Variants in CD46 observed in about 807,000 individuals in gnomAD.
CD46 encodes CD46 molecule, also known as membrane cofactor protein.
CD46 carries 30 observed loss-of-function variants against 53.3 expected under a neutral mutation model. The ratio of observed to expected loss-of-function variants is 0.56; its 90% CI spans 0.42 to 0.76. The LOEUF is 0.76. Ranked by LOEUF, CD46 falls within the 30% of genes least tolerant of loss-of-function variation. The pLI is 0.00. For missense variants in CD46, 409 were observed against 463.0 expected (o/e 0.88, Z 1.07); for synonymous variants, 142 against 152.0 (o/e 0.93, Z 0.48).
intron 8 of CD46, among the ~76,000 whole-genome samples, chr1:207,778,841 T>C (rs914402604): frequency 2.0e-5 from 3 of 152,222 alleles, no homozygotes; most frequent in Admixed American, 2.0e-4. Context: ...GGTAGTTTGA[T>C]AGGAATAGCA....
intron 5 of CD46, among the ~76,000 whole-genome samples, chr1:207,766,054 CTG>C (rs1165733267): frequency 3.3e-5 from 5 of 152,094 alleles, no homozygotes. Flanking sequence ...ACTAAGAAGA[CTG>C]TAATTTCATT....
At chr1:207,759,155 A>C (rs1327745828) in intron 3 of CD46, among the ~76,000 whole-genome samples, 1 of 152,164 alleles carries the variant, frequency 6.6e-6, no homozygotes, top group Non-Finnish European at 1.5e-5. Flanking sequence ...AATCCCCTAA[A>C]CAACCCCATG....
At chr1:207,786,374 T>G (rs1558079473) in intron 11 of CD46, among the ~76,000 whole-genome samples, 1 of 152,018 alleles carries the variant, frequency 6.6e-6, no homozygotes, top group Non-Finnish European at 1.5e-5. Flanking sequence ...AAAAAGTGAG[T>G]GGGTTTAGAA....
intron 11 of CD46, among the ~76,000 whole-genome samples, chr1:207,789,054 C>G (rs995053194): frequency 4.6e-5 from 7 of 152,192 alleles, no homozygotes; most frequent in Admixed American, 1.3e-4. Flanking sequence ...ACAGCCCTGT[C>G]TTTGCTACTG....
intron 9 of CD46, 113 bp downstream of exon 9, chr1:207,783,443 C>G: frequency 1.4e-6 from 1 of 726,068 alleles, no homozygotes; most frequent in Non-Finnish European, 2.5e-6. Context: ...AGATAACTTT[C>G]TTAAATGCTG....
chr1:207,781,702 T>C (rs1038163786), intron 8 of CD46, among the ~76,000 whole-genome samples: 5 of 152,212 alleles, frequency 3.3e-5, no homozygotes, highest in African/African-American at 1.2e-4. Context: ...TGACTGTTCC[T>C]TGTCACGCTT....
chr1:207,755,923 G>A (rs954690017), intron 1 of CD46, among the ~76,000 whole-genome samples: 6 of 152,196 alleles, frequency 3.9e-5, no homozygotes, highest in Non-Finnish European at 8.8e-5. Context: ...GCTACTCTGA[G>A]TGACATATTG....
At chr1:207,775,710 T>G (rs1275263348) in intron 8 of CD46, among the ~76,000 whole-genome samples, 2 of 152,170 alleles carry the variant, frequency 1.3e-5, no homozygotes, top group African/African-American at 2.4e-5. Context: ...CCACAAATAT[T>G]GCTGCCTGAT....
At chr1:207,789,870 G>GAAAAA (rs150136290) in intron 11 of CD46, among the ~76,000 whole-genome samples, 19 of 43,346 alleles carry the variant, frequency 4.4e-4, no homozygotes, top group Non-Finnish European at 8.2e-5. Context: ...GCTGTGTCTT[G>GAAAAA]AAAAAAAAAA....
chr1:207,785,389 T>C (rs774038200), intron 10 of CD46, among the ~76,000 whole-genome samples: 1 of 152,226 alleles, frequency 6.6e-6, no homozygotes, highest in Non-Finnish European at 1.5e-5. Flanking sequence ...GTGCTTTTGA[T>C]AGTTTTCTAA....
intron 5 of CD46, among the ~76,000 whole-genome samples, chr1:207,763,538 C>T (rs17006749): frequency 0.016 from 2,439 of 152,292 alleles, 64 homozygotes; most frequent in African/African-American, 0.054. Flanking sequence ...CTCTCGGAGA[C>T]GGCGAGCTGC....
intron 9 of CD46, 90 bp from the exon 10 acceptor site, chr1:207,784,981 A>G: frequency 1.8e-6 from 2 of 1,130,650 alleles, no homozygotes; most frequent in Non-Finnish European, 2.7e-6. Context: ...GACACAGCCA[A>G]ACCATATCAA....
chr1:207,793,929 A>C lies in CD46; in HGVS notation c.*452A>C, dbSNP rs1660026589. ...TGAAATTATATTTTCTTTGTAAAGA[A>C]AGTGGCTTGAAATCTTTTTTGTTCA... On this transcript the variant is annotated 3_prime_UTR_variant, in exon 13 of 13. Transcript: ENST00000367042. 1 of 259,142 alleles carries C rather than the reference A, an allele frequency of 3.9e-6. No individual in the cohort carries two copies. Among genetic ancestry groups the C allele is most frequent in the African/African-American group, 2.2e-5 (1 of 45,366 alleles). The allele number at this position is 259,142 out of a possible 1,614,324, so 16.1% of individuals were successfully genotyped here.
chr1:207,788,037 T>C (rs1187705781), intron 11 of CD46, among the ~76,000 whole-genome samples: 2 of 152,148 alleles, frequency 1.3e-5, no homozygotes, highest in African/African-American at 4.8e-5. Context: ...GACCAGGGTG[T>C]TGCCCACTAC....
At chr1:207,755,593 C>T (rs1400740801) in intron 1 of CD46, among the ~76,000 whole-genome samples, 3 of 152,212 alleles carry the variant, frequency 2.0e-5, no homozygotes, top group Non-Finnish European at 2.9e-5. Flanking sequence ...CCGCAATCTC[C>T]TGTTGTGCGT....
intron 7 of CD46, 51 bp downstream of exon 7, chr1:207,767,874 T>A: frequency 7.3e-7 from 1 of 1,369,152 alleles, no homozygotes; most frequent in Non-Finnish European, 1.0e-6. Flanking sequence ...AAATTCCTGG[T>A]GATTTTTTAT....
chr1:207,752,328 T>A lies in CD46; in HGVS notation c.97+19T>A. 6.2e-7 allele frequency: 1 copy of A among 1,609,810 alleles called. No homozygotes were observed. Among genetic ancestry groups the A allele is most frequent in the East Asian group, 2.2e-5 (1 of 44,830 alleles). On this transcript the variant is annotated intron_variant, in intron 1 of 12. Coordinates refer to ENST00000367042, the MANE Select transcript of CD46 (RefSeq NM_172351.3). The surrounding 1 kb of genome is among the most constrained non-coding windows in gnomAD (Gnocchi z 4.1). ...TTCTCCGGTAGGACCCCGGGGCGGG[T>A]TCGCGCGTCCGCGGCGAGACTAGAG... is the stretch of plus-strand genomic sequence containing the variant.
intron 11 of CD46, 96 bp from the exon 12 acceptor site, chr1:207,790,157 C>G: frequency 1.3e-6 from 1 of 774,458 alleles, no homozygotes; most frequent in Non-Finnish European, 2.4e-6. Context: ...TCCTGCTACT[C>G]TCTTACACTG....
At chr1:207,784,109 T>C (rs1275249427) in intron 9 of CD46, among the ~76,000 whole-genome samples, 1 of 152,212 alleles carries the variant, frequency 6.6e-6, no homozygotes, top group Non-Finnish European at 1.5e-5. Context: ...GTTTCATTTA[T>C]TATGGGAATC....
Sources: gnomAD v4.1 joint callset for allele counts (sites outside exome capture counted in the v4.1 genomes callset) on GRCh38, gnomAD v4.1.1 for gene constraint, Gnocchi (gnomAD v3.1) non-coding constraint, MANE v1.5 for transcripts, NCBI Gene and HGNC (gene_info 2026-07-23, HGNC 2026-07-21) for gene names.